CFAP263: variants seen among roughly 807,000 people sequenced by gnomAD.
The protein encoded by CFAP263 is cilia- and flagella-associated protein 263.
At chr16:58,271,340 A>G in the CFAP263 span, among the ~76,000 whole-genome samples, 1 of 152,226 alleles carries the variant, frequency 6.6e-6, no homozygotes, top group African/African-American at 2.4e-5. Flanking sequence ...GCGAACCAAC[A>G]TATACCTCAT....
the CFAP263 span, among the ~76,000 whole-genome samples, chr16:58,258,689 A>C: frequency 6.6e-6 from 1 of 152,148 alleles, no homozygotes; most frequent in Non-Finnish European, 1.5e-5. Context: ...TGCATGTTTT[A>C]AAATGTATGT....
At chr16:58,276,428 C>T in the CFAP263 span, among the ~76,000 whole-genome samples, 1 of 152,188 alleles carries the variant, frequency 6.6e-6, no homozygotes, top group African/African-American at 2.4e-5. Context: ...GTTTTGCACC[C>T]TAAACACATT....
the CFAP263 span, chr16:58,254,144 C>T: frequency 6.2e-7 from 1 of 1,614,166 alleles, no homozygotes; most frequent in Non-Finnish European, 8.5e-7. Context: ...CGGAACGCGA[C>T]CTGCAGCATC....
the CFAP263 span, among the ~76,000 whole-genome samples, chr16:58,258,107 CAAAA>C: frequency 0.24 from 19,811 of 82,110 alleles, 1,737 homozygotes; most frequent in East Asian, 0.43. Flanking sequence ...GACTCTGTCT[CAAAA>C]AAAAAAAAAA....
At chr16:58,278,713 G>A in the CFAP263 span, 6 of 1,384,586 alleles carry the variant, frequency 4.3e-6, no homozygotes, top group Non-Finnish European at 6.1e-6. Context: ...GTTCTTTGGG[G>A]TAAGAATACA....
the CFAP263 span, among the ~76,000 whole-genome samples, chr16:58,259,392 C>T: frequency 6.6e-6 from 1 of 152,180 alleles, no homozygotes; most frequent in Admixed American, 6.5e-5. Context: ...AGGAGATGGA[C>T]CTTGGGCTGT....
chr16:58,272,669 G>C, the CFAP263 span, among the ~76,000 whole-genome samples: 1 of 151,988 alleles, frequency 6.6e-6, no homozygotes, highest in African/African-American at 2.4e-5. Flanking sequence ...GCATATGACT[G>C]TATTACATTA....
At chr16:58,252,812 C>T in the CFAP263 span, 126 of 1,613,662 alleles carry the variant, frequency 7.8e-5, 1 homozygote, top group Admixed American at 3.5e-4. Context: ...GCGACCTCCA[C>T]GATTATCAGA....
the CFAP263 span, among the ~76,000 whole-genome samples, chr16:58,270,987 G>A: frequency 6.6e-6 from 1 of 152,050 alleles, no homozygotes; most frequent in Non-Finnish European, 1.5e-5. Context: ...ATGTTTATAT[G>A]TTATAGTTCC....
the CFAP263 span, chr16:58,281,529 C>T: frequency 6.6e-6 from 1 of 152,314 alleles, no homozygotes; most frequent in Non-Finnish European, 1.5e-5. Flanking sequence ...GTATCACTTA[C>T]CTTACCTGCC....
chr16:58,255,991 C>T, the CFAP263 span, among the ~76,000 whole-genome samples: 3 of 152,212 alleles, frequency 2.0e-5, no homozygotes, highest in African/African-American at 4.8e-5. Context: ...ACTGTTAATT[C>T]GGTTGCCCAC....
At chr16:58,252,949 A>G in the CFAP263 span, 137 of 1,236,740 alleles carry the variant, frequency 1.1e-4, no homozygotes, top group East Asian at 2.0e-3. Flanking sequence ...TCTGTGGCCA[A>G]TTGACCATGG....
the CFAP263 span, among the ~76,000 whole-genome samples, chr16:58,262,939 C>T: frequency 5.4e-3 from 816 of 152,322 alleles, 11 homozygotes; most frequent in East Asian, 0.057. Context: ...GAACTAACCA[C>T]ATTTAGAGCC....
the CFAP263 span, chr16:58,254,159 G>A: frequency 1.2e-6 from 2 of 1,614,138 alleles, no homozygotes; most frequent in South Asian, 1.1e-5. Context: ...AGCATCACGA[G>A]GTACACCTTC....
chr16:58,266,272 C>G, the CFAP263 span, among the ~76,000 whole-genome samples: 34 of 151,134 alleles, frequency 2.2e-4, no homozygotes, highest in African/African-American at 8.3e-4. Flanking sequence ...ACTCTCCCAG[C>G]TCCTATTAGA....
chr16:58,256,840 A>ATGTG, the CFAP263 span, among the ~76,000 whole-genome samples: 4 of 151,210 alleles, frequency 2.6e-5, no homozygotes, highest in East Asian at 2.0e-4. Flanking sequence ...TTATAGTAAT[A>ATGTG]TGTGTGTGTG....
the CFAP263 span, among the ~76,000 whole-genome samples, chr16:58,251,435 A>G: frequency 1.3e-5 from 2 of 152,208 alleles, no homozygotes; most frequent in Non-Finnish European, 2.9e-5. Flanking sequence ...TCTGTCGCCC[A>G]GGCTGAAGTA....
At chr16:58,250,663 G>T in the CFAP263 span, among the ~76,000 whole-genome samples, 1 of 151,782 alleles carries the variant, frequency 6.6e-6, no homozygotes, top group African/African-American at 2.4e-5. Context: ...TACTCTGGAG[G>T]CTGAGGCAGG....
chr16:58,277,336 C>T, the CFAP263 span, among the ~76,000 whole-genome samples: 3 of 152,040 alleles, frequency 2.0e-5, no homozygotes, highest in Admixed American at 1.3e-4. Flanking sequence ...ACCATGTTGG[C>T]CAGGCTGGTC....
Sources: allele counts gnomAD v4.1 joint callset (sites outside exome capture counted in the v4.1 genomes callset), GRCh38; gene constraint gnomAD v4.1.1; transcripts MANE v1.5; gene names NCBI Gene and HGNC (gene_info 2026-07-23, HGNC 2026-07-21).